The following EXOC4 variants were observed in gnomAD, a reference collection of about 807,000 sequenced individuals.
EXOC4 encodes the protein SEC8-like 1.
Under a neutral mutation model 107.2 loss-of-function variants are expected in EXOC4, and 71 were observed. That is an observed-to-expected ratio of 0.66 (90% confidence interval 0.55 to 0.81). The LOEUF (loss-of-function observed/expected upper bound fraction) is 0.81, where lower values mean the gene tolerates loss of function less well. Ranked by LOEUF, EXOC4 falls within the 30% of genes least tolerant of loss-of-function variation. The pLI is 0.00. For synonymous variants in EXOC4, 456 were observed against 441.2 expected (o/e 1.03, Z -0.42); for missense variants, 1,108 against 1,189.6 (o/e 0.93, Z 1.01).
intron 5 of EXOC4, among the ~76,000 whole-genome samples, chr7:133,342,362 A>G (rs1795682435): frequency 6.6e-6 from 1 of 152,158 alleles, no homozygotes; most frequent in South Asian, 2.1e-4. Context: ...TAAATATAGT[A>G]CCTCAATCCC....
intron 10 of EXOC4, among the ~76,000 whole-genome samples, chr7:133,649,552 G>A (rs1803086142): frequency 6.6e-6 from 1 of 150,408 alleles, no homozygotes; most frequent in Non-Finnish European, 1.5e-5. Flanking sequence ...AGAAGGGATG[G>A]AATGGTGTAC....
At chr7:133,484,187 G>A in intron 9 of EXOC4, 1 of 1,552,110 alleles carries the variant, frequency 6.4e-7, no homozygotes, top group African/African-American at 1.4e-5. Context: ...AGGATAAAAG[G>A]ATTAAAAAAA....
At chr7:133,322,971 G>T (rs1190142053) in intron 5 of EXOC4, among the ~76,000 whole-genome samples, 2 of 152,108 alleles carry the variant, frequency 1.3e-5, no homozygotes, top group Non-Finnish European at 2.9e-5. Context: ...TATTCTCTTT[G>T]TAGCAATTGT....
intron 10 of EXOC4, among the ~76,000 whole-genome samples, chr7:133,799,494 C>G (rs1796888121): frequency 6.6e-6 from 1 of 152,172 alleles, no homozygotes; most frequent in African/African-American, 2.4e-5. Context: ...TATGGGTATT[C>G]TAAAACCTCA....
intron 6 of EXOC4, among the ~76,000 whole-genome samples, chr7:133,371,186 G>A (rs139448567): frequency 6.6e-6 from 1 of 152,132 alleles, no homozygotes; most frequent in Non-Finnish European, 1.5e-5. Context: ...CTAGAGAGGT[G>A]TTGGATCTTC....
intron 10 of EXOC4, among the ~76,000 whole-genome samples, chr7:133,779,507 C>A (rs577497938): frequency 6.6e-6 from 1 of 152,244 alleles, no homozygotes; most frequent in South Asian, 2.1e-4. Context: ...TTATTGAGTT[C>A]TTGATATTTA....
chr7:133,768,545 A>G (rs1010233810), intron 10 of EXOC4: 1 of 151,952 alleles, frequency 6.6e-6, no homozygotes, highest in Non-Finnish European at 1.5e-5. Context: ...AACTGTCACC[A>G]AGATTAGTTA....
chr7:133,475,625 G>T, intron 8 of EXOC4, 152 bp downstream of exon 8: 1 of 693,474 alleles, frequency 1.4e-6, no homozygotes, highest in Non-Finnish European at 2.2e-6. Flanking sequence ...ATTTATTTTT[G>T]TTTTCTGTCA....
chr7:133,588,381 A>G (rs895967476), intron 9 of EXOC4, among the ~76,000 whole-genome samples: 1 of 152,162 alleles, frequency 6.6e-6, no homozygotes, highest in African/African-American at 2.4e-5. Flanking sequence ...ATACAAACCA[A>G]ATGCTTTTTG....
At chr7:133,786,027 TTACTTCA>T (rs1018152460) in intron 10 of EXOC4, among the ~76,000 whole-genome samples, 41 of 152,334 alleles carry the variant, frequency 2.7e-4, no homozygotes, top group African/African-American at 8.9e-4. Context: ...AAAAATATTC[TTACTTCA>T]TACTTCAACT....
the EXOC4 span, among the ~76,000 whole-genome samples, chr7:134,079,130 C>T: frequency 6.6e-6 from 1 of 152,188 alleles, no homozygotes; most frequent in African/African-American, 2.4e-5. Flanking sequence ...ACTTTGCTAG[C>T]AGGAAGTGTG....
chr7:133,636,378 T>C (rs1802711376), intron 10 of EXOC4, among the ~76,000 whole-genome samples: 1 of 152,210 alleles, frequency 6.6e-6, no homozygotes, highest in Non-Finnish European at 1.5e-5. Flanking sequence ...AGTGCTTTTA[T>C]AATATTTAGG....
At chr7:133,689,515 A>G (rs1302194714) in intron 10 of EXOC4, among the ~76,000 whole-genome samples, 2 of 152,212 alleles carry the variant, frequency 1.3e-5, no homozygotes, top group Admixed American at 6.5e-5. Context: ...CAAGGGTAAC[A>G]GTGTTCTGGC....
intron 14 of EXOC4, among the ~76,000 whole-genome samples, chr7:133,941,860 G>GCTCTCTC: frequency 1.7e-5 from 1 of 57,306 alleles, no homozygotes; most frequent in African/African-American, 4.5e-5. Flanking sequence ...TCGGATCTAA[G>GCTCTCTC]TTTCTACATG....
At chr7:133,895,291 G>A (rs568638384) in intron 11 of EXOC4, 18 of 206,340 alleles carry the variant, frequency 8.7e-5, no homozygotes, top group East Asian at 2.8e-4. Context: ...TTCGGCTCGC[G>A]CACGGTGCGC....
chr7:133,914,953 A>T (rs1432115763), intron 12 of EXOC4, among the ~76,000 whole-genome samples: 2 of 152,346 alleles, frequency 1.3e-5, no homozygotes, highest in Middle Eastern at 6.8e-3. Flanking sequence ...ATTCAAGGAG[A>T]TAAAGAAAAG....
At position 133,499,267 on chromosome 7, in the gene EXOC4, G is replaced by A. The variant is rs181161312; in HGVS notation, c.1417+19129G>A. On this transcript the variant is annotated intron_variant, in intron 9 of 17. Transcript: ENST00000253861. Reference sequence around the variant, plus strand: ...TTCATTTTAAGTTCCTTGCAGTCAGGGACCAAGTCAGTATATACCAATCAC... The same window carrying A: ...TTCATTTTAAGTTCCTTGCAGTCAGAGACCAAGTCAGTATATACCAATCAC... 9.9e-5 allele frequency among the ~76,000 whole-genome samples: 15 copies of A among 151,922 alleles called. No homozygotes were observed. The East Asian group carries it at 2.9e-3, about 29-fold the overall frequency.
At chr7:133,530,692 G>A (rs996026084) in intron 9 of EXOC4, among the ~76,000 whole-genome samples, 5 of 152,128 alleles carry the variant, frequency 3.3e-5, no homozygotes, top group Non-Finnish European at 7.4e-5. Flanking sequence ...ATTAATCCAA[G>A]AAAGTTAGTT....
At chr7:133,291,521 ACAGGTGTGTGCCAC>A (rs1465129767) in intron 3 of EXOC4, among the ~76,000 whole-genome samples, 1 of 151,150 alleles carries the variant, frequency 6.6e-6, no homozygotes, top group East Asian at 2.0e-4. Context: ...ACCTGGGATT[ACAGGTGTGTGCCAC>A]CACACCTGGC....
Sources: gnomAD v4.1 joint callset for allele counts (sites outside exome capture counted in the v4.1 genomes callset) on GRCh38, gnomAD v4.1.1 for gene constraint, MANE v1.5 for transcripts, NCBI Gene and HGNC (gene_info 2026-07-23, HGNC 2026-07-21) for gene names.